The following ABRAXAS1 variants were observed in gnomAD, a reference collection of about 807,000 sequenced individuals.
ABRAXAS1 encodes the protein BRCA1-A complex subunit Abraxas 1.
A neutral mutation model predicts 38.4 loss-of-function variants in ABRAXAS1; 26 were observed. That is an observed-to-expected ratio of 0.68 (90% confidence interval 0.50 to 0.94). The LOEUF is 0.94. Ranked by LOEUF, ABRAXAS1 falls within the 40% of genes least tolerant of loss-of-function variation. The probability of loss-of-function intolerance (pLI) is 0.00; values close to 1 mark genes in which losing one functional copy is unlikely to be tolerated. For synonymous variants in ABRAXAS1, 144 were observed against 165.5 expected, an observed-to-expected ratio of 0.87 and a Z score of 1.00; for missense variants, 438 against 481.9, an observed-to-expected ratio of 0.91 and a Z score of 0.85.
chr4:83,465,273 C>T (rs577328078), intron 7 of ABRAXAS1, among the ~76,000 whole-genome samples: 187 of 135,928 alleles, frequency 1.4e-3, no homozygotes, highest in Middle Eastern at 0.012. Context: ...GCACTCCAGT[C>T]CAGGCGACAC....
intron 2 of ABRAXAS1, 108 bp from the exon 3 acceptor site, chr4:83,476,787 T>G (rs1174298167): frequency 1.5e-6 from 1 of 662,294 alleles, no homozygotes; most frequent in African/African-American, 1.8e-5. Context: ...TACCACTGAT[T>G]ATCTGATTTT....
At chr4:83,472,989 T>C (rs1467163750) in intron 3 of ABRAXAS1, among the ~76,000 whole-genome samples, 1 of 152,168 alleles carries the variant, frequency 6.6e-6, no homozygotes, top group African/African-American at 2.4e-5. Context: ...CCTTTATAAA[T>C]AATTTTTGCC....
chr4:83,472,580 G>A (rs75250600), intron 3 of ABRAXAS1, among the ~76,000 whole-genome samples: 3,634 of 152,168 alleles, frequency 0.024, 138 homozygotes, highest in African/African-American at 0.083. Flanking sequence ...TGAAATACAG[G>A]TATTAAAATG....
At chr4:83,462,970 T>G (rs1722197175) in intron 8 of ABRAXAS1, 68 bp from the exon 9 acceptor site, 2 of 1,103,660 alleles carry the variant, frequency 1.8e-6, no homozygotes, top group Non-Finnish European at 2.6e-6. Context: ...ATTAACTATT[T>G]GTAAGTAAAA....
intron 7 of ABRAXAS1, among the ~76,000 whole-genome samples, chr4:83,466,681 G>A (rs1287637817): frequency 3.9e-5 from 6 of 152,030 alleles, no homozygotes; most frequent in African/African-American, 1.2e-4. Context: ...GACTACAGGC[G>A]CCCACCACCA....
In ABRAXAS1 at chr4:83,469,136, T is replaced by A. The variant is rs747767327; in HGVS notation, c.492A>T (p.Val164=). The stretch of plus-strand genomic sequence containing the variant: ...TGCCCAGATTGGCAACCACTAAAGG[T>A]ACCCTGTGAAAAAGTCTGACAAAAT... ...YKPQKGLFHR[V]PLVVANLGMS... The change falls in exon 6 of 9, where the codon GTA becomes GTT. Residue 164 remains valine, a synonymous_variant. Coordinates refer to ENST00000321945, the MANE Select transcript of ABRAXAS1 (RefSeq NM_139076.3). The A allele has an allele frequency of 2.5e-6, 4 of 1,613,692 alleles. No individual in the cohort carries two copies. The highest frequency in any genetic ancestry group is 3.4e-6 in the Non-Finnish European group (4 of 1,179,782).
At chr4:83,480,672 T>TA (rs1309225844) in intron 2 of ABRAXAS1, among the ~76,000 whole-genome samples, 1 of 152,176 alleles carries the variant, frequency 6.6e-6, no homozygotes, top group Non-Finnish European at 1.5e-5. Flanking sequence ...AGTAATACCA[T>TA]ATCTAGGAAT....
intron 8 of ABRAXAS1, among the ~76,000 whole-genome samples, chr4:83,463,237 C>G (rs573603631): frequency 0.024 from 3,630 of 152,188 alleles, 137 homozygotes; most frequent in African/African-American, 0.083. Flanking sequence ...CAAGACCAGC[C>G]TGGCCAACAT....
At position 83,462,477 on chromosome 4, in the gene ABRAXAS1, T is replaced by C. The variant is rs561858434; in HGVS notation, c.1222A>G (p.Thr408Ala). Reference protein sequence around the residue: ...KGFGEYSRSPTF With the variant: ...KGFGEYSRSPAF ...TTGTAAGGTTAAAAGGATCAAAATG[T>C]AGGAGACCGTGAATATTCACCAAAA... is the stretch of plus-strand genomic sequence containing the variant. Residue 408 changes from threonine to alanine, a missense_variant, in exon 9 of 9, where the codon ACA becomes GCA. Physicochemically the swap from Thr to Ala is moderately conservative, Grantham distance 58. This residue lies in a region of ABRAXAS1 where 184 missense variants were observed against 181.9 expected (regional missense o/e 1.01). Coordinates refer to ENST00000321945, the MANE Select transcript of ABRAXAS1 (RefSeq NM_139076.3). The C allele has an allele frequency of 6.2e-7, 1 of 1,610,770 alleles. No individual in the cohort carries two copies. The highest frequency in any genetic ancestry group is 1.3e-5 in the African/African-American group (1 of 74,842).
Position 83,462,878 on chromosome 4 carries a change from G to A in ABRAXAS1, c.821C>T (p.Pro274Leu), listed in dbSNP as rs1722190545. ...AAREKNIQKD[P>L]QENIFLCQAL... ...CTGACAAAGAAAAATGTTCTCCTGA[G>A]GGTCTTTTTGGATGTTCTTCTCTCC... The change falls in exon 9 of 9, where the codon CCT becomes CTT. Residue 274 changes from proline to leucine, a missense_variant. Physicochemically the swap from Pro to Leu is moderately conservative, Grantham distance 98 (BLOSUM62 -3). Around this residue, in one of 3 missense-constraint regions of ABRAXAS1, gnomAD observed 184 missense variants for 181.9 expected, o/e 1.01. Transcript: ENST00000321945. 1 of 1,584,736 alleles carries A rather than the reference G, an allele frequency of 6.3e-7. No individual in the cohort carries two copies. Among genetic ancestry groups the A allele is most frequent in the African/African-American group, 1.4e-5 (1 of 73,588 alleles).
chr4:83,475,502 G>A (rs960681103), intron 3 of ABRAXAS1, among the ~76,000 whole-genome samples: 1 of 152,022 alleles, frequency 6.6e-6, no homozygotes, highest in Non-Finnish European at 1.5e-5. Flanking sequence ...GTCATGCAGT[G>A]GCATGACCTC....
intron 2 of ABRAXAS1, 78 bp from the exon 3 acceptor site, chr4:83,476,757 C>T (rs878868186): frequency 1.1e-6 from 1 of 913,602 alleles, no homozygotes; most frequent in African/African-American, 1.6e-5. Flanking sequence ...TGAGCCTTTA[C>T]CTCACGCCAG....
At chr4:83,480,340 CCA>C (rs1166835157) in intron 2 of ABRAXAS1, 2 of 410,090 alleles carry the variant, frequency 4.9e-6, no homozygotes, top group East Asian at 1.8e-4. Flanking sequence ...CCACTTCACT[CCA>C]GTCTGGGCGA....
At chr4:83,477,588 C>G in intron 2 of ABRAXAS1, 1 of 492,138 alleles carries the variant, frequency 2.0e-6, no homozygotes, top group Non-Finnish European at 4.0e-6. Context: ...GTATATGACG[C>G]CTTGCCTCTA....
intron 2 of ABRAXAS1, chr4:83,480,351 G>A (rs745869014): frequency 1.1e-4 from 45 of 419,872 alleles, no homozygotes; most frequent in Non-Finnish European, 1.1e-4. Context: ...CAGTCTGGGC[G>A]ACAGAATGAG....
chr4:83,464,803 T>C (rs4404531), intron 7 of ABRAXAS1, among the ~76,000 whole-genome samples: 15,808 of 152,118 alleles, frequency 0.1, 2,714 homozygotes, highest in African/African-American at 0.36. Flanking sequence ...GGCCTGCCAG[T>C]GGATGAAGAA....
chr4:83,481,363 C>T (rs1192945524), intron 2 of ABRAXAS1, among the ~76,000 whole-genome samples: 2 of 152,160 alleles, frequency 1.3e-5, no homozygotes, highest in Non-Finnish European at 2.9e-5. Flanking sequence ...TTCTCCCCTG[C>T]TTTTCCCTAA....
intron 2 of ABRAXAS1, chr4:83,478,091 C>T: frequency 1.1e-6 from 1 of 879,980 alleles, no homozygotes; most frequent in East Asian, 2.9e-5. Context: ...GGGAGTAGAG[C>T]TACCAGTCTA....
rs1722848830 is a variant in ABRAXAS1, at chr4:83,478,069, T to C, written c.179-1390A>G. On this transcript the variant is annotated intron_variant, in intron 2 of 8. Coordinates refer to ENST00000321945, the MANE Select transcript of ABRAXAS1 (RefSeq NM_139076.3). The stretch of plus-strand genomic sequence containing the variant: ...GTGTGGTTCCAACTGCTCAGCATGC[T>C]GCCATCGTTGTGGGAGTAGAGCTAC... 4.3e-6 allele frequency: 4 copies of C among 929,118 alleles called. No homozygotes were observed. In the Admixed American group the frequency reaches 7.0e-5, roughly 16 times the overall value. The allele number at this position is 929,118 out of a possible 1,614,324, so 57.6% of individuals were successfully genotyped here.
Sources: allele counts gnomAD v4.1 joint callset (sites outside exome capture counted in the v4.1 genomes callset), GRCh38; gene constraint gnomAD v4.1.1; regional missense constraint gnomAD v4.1.1; transcripts MANE v1.5; gene names NCBI Gene and HGNC (gene_info 2026-07-23, HGNC 2026-07-21).